The following LRP11 variants were observed in gnomAD, a reference collection of about 807,000 sequenced individuals.
LRP11 encodes the protein low-density lipoprotein receptor-related protein 11.
In LRP11, 25 loss-of-function variants were observed where a neutral mutation model predicts 43.1. The observed-to-expected ratio is 0.58, with a 90% CI of 0.42 to 0.81. LRP11 has a LOEUF of 0.81. Ranked by LOEUF, LRP11 falls within the 30% of genes least tolerant of loss-of-function variation. LRP11 has a pLI of 0.00. For missense variants in LRP11, 623 were observed against 665.1 expected, an observed-to-expected ratio of 0.94 and a Z score of 0.70; for synonymous variants, 316 against 299.4, an observed-to-expected ratio of 1.06 and a Z score of -0.57.
rs1776961110 is a variant in LRP11, at chr6:149,863,327, T to C, written c.613+81A>G. ...CGCGGCTAAAATAACTTGGCACGAG[T>C]GTGTTTCGCTTCCAACTTGGCGAGG... On this transcript the variant is annotated intron_variant, in intron 1 of 6. Transcript: ENST00000239367. 1.4e-5 allele frequency: 18 copies of C among 1,288,124 alleles called. 1 individual carries two copies. The South Asian group carries it at 5.1e-4, about 36-fold the overall frequency. The allele number at this position is 1,288,124 out of a possible 1,614,324, so 79.8% of individuals were successfully genotyped here.
intron 2 of LRP11, among the ~76,000 whole-genome samples, chr6:149,843,918 CAA>C (rs1316279893): frequency 1.3e-5 from 2 of 152,168 alleles, no homozygotes; most frequent in African/African-American, 4.8e-5. Context: ...ACTGACCTAG[CAA>C]AAGTCTCCTA....
intron 3 of LRP11, 45 bp downstream of exon 3, chr6:149,842,938 G>A (rs751536957): frequency 6.2e-7 from 1 of 1,609,748 alleles, no homozygotes; most frequent in Admixed American, 1.7e-5. Context: ...ACCCGACATT[G>A]CCTTCCACAA....
intron 5 of LRP11, among the ~76,000 whole-genome samples, chr6:149,829,201 C>T (rs948768317): frequency 6.6e-6 from 1 of 152,168 alleles, no homozygotes; most frequent in Non-Finnish European, 1.5e-5. Flanking sequence ...TTATCTCTCT[C>T]TCCAATAATA....
chr6:149,830,013 T>C (rs1039232643), intron 5 of LRP11, among the ~76,000 whole-genome samples: 1 of 150,156 alleles, frequency 6.7e-6, no homozygotes. Context: ...TCCTCTTTTT[T>C]TTTTTTTTTT....
chr6:149,840,498 T>C (rs763280687), intron 3 of LRP11, among the ~76,000 whole-genome samples: 6 of 152,216 alleles, frequency 3.9e-5, no homozygotes, highest in Non-Finnish European at 7.3e-5. Context: ...GCTGGCAATT[T>C]ACCTCTGGAG....
chr6:149,848,577 T>C (rs2115402916), intron 2 of LRP11, among the ~76,000 whole-genome samples: 1 of 152,284 alleles, frequency 6.6e-6, no homozygotes, highest in Non-Finnish European at 1.5e-5. Context: ...ATGTCCTTTG[T>C]AGGAACATGG....
rs749984695 is a variant in LRP11, at chr6:149,837,342, C to T, written c.1035G>A (p.Gln345=). 1.6e-5 allele frequency: 26 copies of T among 1,613,348 alleles called. No homozygotes were observed. Among genetic ancestry groups the T allele is most frequent in the Non-Finnish European group, 2.0e-5 (24 of 1,179,800 alleles). The change falls in exon 4 of 7, where the codon CAG becomes CAA. Residue 345 remains glutamine (Q), a synonymous_variant. Coordinates refer to ENST00000239367, the MANE Select transcript of LRP11 (RefSeq NM_032832.6). ...AATGTGACATAGCCAACTCACGATT[C>T]TGGCAGAAGTCTTCATCAGACCCAT... The part of the protein sequence containing the change: ...CPDGSDEDFC[Q]NLGLDRKMVT...
At chr6:149,847,271 C>A (rs955452154) in intron 2 of LRP11, among the ~76,000 whole-genome samples, 16 of 152,222 alleles carry the variant, frequency 1.1e-4, no homozygotes, top group African/African-American at 3.6e-4. Context: ...CATGCTTCCC[C>A]CCTGCCTGCC....
intron 6 of LRP11, among the ~76,000 whole-genome samples, chr6:149,824,913 C>T (rs1776320110): frequency 6.6e-6 from 1 of 152,094 alleles, no homozygotes; most frequent in African/African-American, 2.4e-5. Flanking sequence ...CAACAGCCAA[C>T]TAGAGCTGAG....
In LRP11 at chr6:149,846,951, A is replaced by T. The variant is rs9397034; in HGVS notation, c.772-3827T>A. On this transcript the variant is annotated intron_variant, in intron 2 of 6. Coordinates refer to ENST00000239367, the MANE Select transcript of LRP11 (RefSeq NM_032832.6). Reference sequence around the variant, plus strand: ...CCTATCTCAATATAAAATAAAATAAAATAATAGAATAGAATAGAATAGAAT... The same window carrying T: ...CCTATCTCAATATAAAATAAAATAATATAATAGAATAGAATAGAATAGAAT... Among the ~76,000 whole-genome samples the T allele has an allele frequency of 7.9e-3, 634 of 80,282 alleles. 2 individuals carry two copies. Among genetic ancestry groups the T allele is most frequent in the South Asian group, 0.024 (61 of 2,490 alleles). The allele number at this position is 80,282 out of a possible 152,430, so 52.7% of individuals were successfully genotyped here.
At chr6:149,846,955 ATAG>A (rs755745334) in intron 2 of LRP11, among the ~76,000 whole-genome samples, 49 of 87,708 alleles carry the variant, frequency 5.6e-4, no homozygotes, top group African/African-American at 1.8e-3. Flanking sequence ...AAATAAAATA[ATAG>A]AATAGAATAG....
chr6:149,859,394 A>ATTTTTTTTTTT (rs1194880373), intron 1 of LRP11, among the ~76,000 whole-genome samples: 1 of 73,874 alleles, frequency 1.4e-5, no homozygotes, highest in African/African-American at 8.9e-5. Context: ...ATATATATAT[A>ATTTTTTTTTTT]TATTTTTTTT....
intron 2 of LRP11, among the ~76,000 whole-genome samples, chr6:149,849,812 T>C (rs1031118943): frequency 2.0e-5 from 3 of 152,190 alleles, no homozygotes; most frequent in African/African-American, 7.2e-5. Context: ...CCTAGTACAG[T>C]ACTGGACACA....
Position 149,863,574 on chromosome 6 carries a change from C to A in LRP11, c.447G>T (p.Arg149=). The change falls in exon 1 of 7, where the codon CGG becomes CGT. Residue 149 remains arginine, a synonymous_variant. Coordinates refer to ENST00000239367, the MANE Select transcript of LRP11 (RefSeq NM_032832.6). ...GCACGGCTGCCGGGGGCGCGGGGCG[C>A]CGGGGCAGCTCCACCACGGCCACGG... ...RCSVAVVELP[R]RPAPPAAVLG... 1 of 1,394,984 alleles carries A rather than the reference C, an allele frequency of 7.2e-7. No homozygotes were observed. The highest frequency in any genetic ancestry group is 9.3e-7 in the Non-Finnish European group (1 of 1,080,172). 86.4% of individuals were successfully genotyped at this position (1,394,984 alleles called of 1,614,324 possible). A position where few individuals can be genotyped will look rare whatever the true frequency, so the allele number is the denominator to read the frequency against.
chr6:149,833,482 G>T (rs931319833), intron 5 of LRP11, among the ~76,000 whole-genome samples: 1 of 152,068 alleles, frequency 6.6e-6, no homozygotes, highest in Non-Finnish European at 1.5e-5. Flanking sequence ...ACATGAAAAT[G>T]CTCATGAGTA....
chr6:149,846,369 G>A (rs1776632768), intron 2 of LRP11, among the ~76,000 whole-genome samples: 1 of 152,198 alleles, frequency 6.6e-6, no homozygotes, highest in African/African-American at 2.4e-5. Context: ...GCATGCTGGA[G>A]TATGTCTAGG....
At chr6:149,830,687 T>A (rs1321723648) in intron 5 of LRP11, among the ~76,000 whole-genome samples, 4 of 152,212 alleles carry the variant, frequency 2.6e-5, no homozygotes, top group Non-Finnish European at 4.4e-5. Context: ...TTGTCAAAAT[T>A]AAAGAGCACT....
chr6:149,826,974 C>CG (rs1554258609), intron 5 of LRP11, among the ~76,000 whole-genome samples: 16 of 143,790 alleles, frequency 1.1e-4, no homozygotes, highest in Admixed American at 1.1e-3. Flanking sequence ...TATTTATTTA[C>CG]TTTTTTTTTT....
At chr6:149,826,110 G>A in intron 6 of LRP11, 154 bp downstream of exon 6, 4 of 715,018 alleles carry the variant, frequency 5.6e-6, no homozygotes, top group East Asian at 2.5e-5. Flanking sequence ...CCAAGACGCA[G>A]TGCAATACAA....
Sources: allele counts gnomAD v4.1 joint callset (sites outside exome capture counted in the v4.1 genomes callset), GRCh38; gene constraint gnomAD v4.1.1; transcripts MANE v1.5; gene names NCBI Gene and HGNC (gene_info 2026-07-23, HGNC 2026-07-21).